The following AFF3 variants were observed in gnomAD, a reference collection of about 807,000 sequenced individuals.
The protein encoded by AFF3 is AF4/FMR2 family member 3.
In AFF3, 32 loss-of-function variants were observed where a neutral mutation model predicts 129.7. That is an observed-to-expected ratio of 0.25 (90% confidence interval 0.19 to 0.33). The LOEUF is 0.33. Among genes scored for constraint, AFF3 ranks in the 10% least tolerant of loss-of-function variants. The pLI, the probability that AFF3 is intolerant of heterozygous loss-of-function variation, is 1.00. For missense variants in AFF3, 1,373 were observed against 1,592.0 expected (o/e 0.86, Z 2.34); for synonymous variants, 644 against 635.4 (o/e 1.01, Z -0.20).
At chr2:99,859,801 T>C (rs1449668733) in intron 7 of AFF3, among the ~76,000 whole-genome samples, 1 of 152,162 alleles carries the variant, frequency 6.6e-6, no homozygotes, top group Non-Finnish European at 1.5e-5. Context: ...CAGTTGGTTG[T>C]AACCTACAAC....
At chr2:99,716,763 C>T (rs147379504) in intron 11 of AFF3, among the ~76,000 whole-genome samples, 59 of 151,938 alleles carry the variant, frequency 3.9e-4, no homozygotes, top group African/African-American at 1.1e-3. Context: ...TCCCTGTAAT[C>T]GCAGCTACTT....
At chr2:99,850,305 G>A (rs1690051528) in intron 7 of AFF3, among the ~76,000 whole-genome samples, 1 of 152,218 alleles carries the variant, frequency 6.6e-6, no homozygotes, top group Non-Finnish European at 1.5e-5. Flanking sequence ...TAAGCTGAAA[G>A]CTCCAGAGTC....
rs191827063 is a variant in AFF3 at position 99,581,311 on chromosome 2, T to C, written c.2793+1487A>G. Among the ~76,000 whole-genome samples the C allele has an allele frequency of 5.3e-4, 77 of 145,118 alleles. 1 individual carries two copies. The highest frequency in any genetic ancestry group is 2.1e-3 in the African/African-American group (72 of 34,824). On this transcript the variant is annotated intron_variant, in intron 17 of 24. Coordinates refer to ENST00000672756, the MANE Select transcript of AFF3 (RefSeq NM_001386135.1). The stretch of plus-strand genomic sequence containing the variant: ...GGCTTTTTGTTCCATGTTTTTCTAA[T>C]ATAGGTCTTCCCCAATTCTTTCAGT...
chr2:99,605,997 T>C (rs1287650609), intron 13 of AFF3, among the ~76,000 whole-genome samples: 2 of 152,276 alleles, frequency 1.3e-5, no homozygotes, highest in East Asian at 3.9e-4. Context: ...CTAGGCTTTA[T>C]ATATTTAAAA....
intron 12 of AFF3, among the ~76,000 whole-genome samples, chr2:99,653,150 G>A (rs1372984014): frequency 1.3e-5 from 2 of 152,168 alleles, no homozygotes; most frequent in East Asian, 1.9e-4. Context: ...TTTAGGCCGC[G>A]ATACTTGAAC....
At chr2:99,783,083 G>A (rs1447181049) in intron 8 of AFF3, among the ~76,000 whole-genome samples, 1 of 152,138 alleles carries the variant, frequency 6.6e-6, no homozygotes, top group Non-Finnish European at 1.5e-5. Context: ...AGAGGATAGC[G>A]GTAGATAAAA....
At chr2:100,071,316 A>G (rs1370355) in intron 4 of AFF3, among the ~76,000 whole-genome samples, 123,447 of 152,178 alleles carry the variant, frequency 0.81, 50,740 homozygotes, top group African/African-American at 0.93. Context: ...GAAATCTGAG[A>G]TATCTTTTAC....
chr2:99,677,449 A>G (rs1674088317), intron 11 of AFF3, among the ~76,000 whole-genome samples: 1 of 151,978 alleles, frequency 6.6e-6, no homozygotes, highest in Non-Finnish European at 1.5e-5. Flanking sequence ...CAGAAGCAAG[A>G]TTTTTTTTAA....
intron 7 of AFF3, among the ~76,000 whole-genome samples, chr2:100,004,466 T>G (rs899524510): frequency 6.6e-6 from 1 of 152,214 alleles, no homozygotes; most frequent in Non-Finnish European, 1.5e-5. Context: ...TATTTATTTT[T>G]TGTAGAGATG....
At chr2:99,757,480 A>G (rs1298810976) in intron 8 of AFF3, among the ~76,000 whole-genome samples, 1 of 152,206 alleles carries the variant, frequency 6.6e-6, no homozygotes, top group Non-Finnish European at 1.5e-5. Flanking sequence ...TTAAGCATTT[A>G]AAATATATTA....
chr2:99,808,899 C>A (rs1337679344), intron 8 of AFF3, among the ~76,000 whole-genome samples: 1 of 152,154 alleles, frequency 6.6e-6, no homozygotes, highest in Non-Finnish European at 1.5e-5. Context: ...TTTGTTAGTG[C>A]ATTAAAACAC....
At chr2:99,818,489 T>C (rs539546796) in intron 8 of AFF3, among the ~76,000 whole-genome samples, 17 of 152,326 alleles carry the variant, frequency 1.1e-4, no homozygotes, top group African/African-American at 3.8e-4. Context: ...TAAACGTCTA[T>C]GTAAAGTCTG....
intron 7 of AFF3, among the ~76,000 whole-genome samples, chr2:99,919,134 C>A (rs1695684668): frequency 6.6e-6 from 1 of 152,108 alleles, no homozygotes; most frequent in South Asian, 2.1e-4. Context: ...CCCTCCACTG[C>A]AACGTTTTCC....
chr2:100,122,857 C>T (rs1373340780), intron 2 of AFF3, among the ~76,000 whole-genome samples: 2 of 152,302 alleles, frequency 1.3e-5, no homozygotes, highest in South Asian at 2.1e-4. Flanking sequence ...CTTCATTTAA[C>T]CCAATGTGGA....
At position 99,710,494 on chromosome 2, in the gene AFF3, TGA is replaced by T. The variant is rs966183768; in HGVS notation, c.1091+16581_1091+16582del. Among the ~76,000 whole-genome samples, 186 of 152,280 alleles carry T rather than the reference TGA, an allele frequency of 1.2e-3. 1 individual carries two copies. The highest frequency in any genetic ancestry group is 4.4e-3 in the African/African-American group (183 of 41,572). On this transcript the variant is annotated intron_variant, in intron 11 of 24. Coordinates refer to ENST00000672756, the MANE Select transcript of AFF3 (RefSeq NM_001386135.1). ...TTGGTCTCGAACTCCTGACCTCAAG[TGA>T]TCAGCCTTCCAAAGTGTTGGTATTA...
At chr2:99,590,521 C>T (rs1364587597) in intron 15 of AFF3, among the ~76,000 whole-genome samples, 2 of 152,138 alleles carry the variant, frequency 1.3e-5, no homozygotes, top group African/African-American at 2.4e-5. Context: ...AAAAGCTGGA[C>T]CTGCAGGAGG....
At chr2:99,621,624 A>G (rs1682023632) in intron 13 of AFF3, among the ~76,000 whole-genome samples, 1 of 152,196 alleles carries the variant, frequency 6.6e-6, no homozygotes, top group Non-Finnish European at 1.5e-5. Context: ...ATGTCCTTAT[A>G]GTTGGAGGAC....
chr2:99,570,528 G>T (rs1376580553), intron 18 of AFF3, among the ~76,000 whole-genome samples: 2 of 152,144 alleles, frequency 1.3e-5, no homozygotes, highest in East Asian at 3.9e-4. Context: ...AGTGGAGACG[G>T]GGTTTTGCCA....
chr2:99,594,099 T>G lies in AFF3; in HGVS notation c.1562A>C (p.Lys521Thr). The G allele has an allele frequency of 6.2e-7, 1 of 1,614,006 alleles. No individual in the cohort carries two copies. The highest frequency in any genetic ancestry group is 1.1e-5 in the South Asian group (1 of 91,058). Residue 521 changes from lysine (K) to threonine (T), a missense_variant, in exon 15 of 25, where the codon AAG (lysine) becomes ACG (threonine). This residue lies in a region of AFF3 where 413 missense variants were observed against 424.4 expected (regional missense o/e 0.97). Coordinates refer to ENST00000672756, the MANE Select transcript of AFF3 (RefSeq NM_001386135.1). ...PDVCQPSLRE[K>T]EIKSTCKEEQ... ...CTCCTTGCAAGTGCTCTTGATCTCC[T>G]TCTCTCTCAGGCTGGGCTGGCAAAC... is the stretch of plus-strand genomic sequence containing the variant.
Sources: allele counts gnomAD v4.1 joint callset (sites outside exome capture counted in the v4.1 genomes callset), GRCh38; gene constraint gnomAD v4.1.1; regional missense constraint gnomAD v4.1.1; transcripts MANE v1.5; gene names NCBI Gene and HGNC (gene_info 2026-07-23, HGNC 2026-07-21).